The following RBM20 variants were observed in gnomAD, a reference collection of about 807,000 sequenced individuals.
The protein encoded by RBM20 is RNA binding motif protein 20, also known as RNA-binding protein 20.
A neutral mutation model predicts 110.1 loss-of-function variants in RBM20; 51 were observed. That is an observed-to-expected ratio of 0.46 (90% CI 0.37 to 0.59). The LOEUF (loss-of-function observed/expected upper bound fraction) is 0.59, where lower values mean the gene tolerates loss of function less well. Ranked by LOEUF, RBM20 falls within the 20% of genes least tolerant of loss-of-function variation. The probability of loss-of-function intolerance (pLI) is 0.00; values close to 1 mark genes in which losing one functional copy is unlikely to be tolerated. For missense variants in RBM20, 1,512 were observed against 1,574.9 expected (o/e 0.96, Z 0.68); for synonymous variants, 589 against 618.2 (o/e 0.95, Z 0.70).
intron 1 of RBM20, among the ~76,000 whole-genome samples, chr10:110,740,037 G>T (rs1843709696): frequency 6.6e-6 from 1 of 152,252 alleles, no homozygotes; most frequent in South Asian, 2.1e-4. Flanking sequence ...CTGGAAACAC[G>T]GACAACAAGG....
At chr10:110,809,305 A>G (rs1160181744) in intron 7 of RBM20, among the ~76,000 whole-genome samples, 2 of 150,960 alleles carry the variant, frequency 1.3e-5, no homozygotes, top group African/African-American at 4.9e-5. Flanking sequence ...AAAACTCATT[A>G]TCAAAAGTTT....
Position 110,812,756 on chromosome 10 carries a change from G to C in RBM20, c.2359G>C (p.Glu787Gln). ...DAPGRSRRKD[E>Q]ARLRESRHPH... ...CCCCGGGAGGTCCAGGAGGAAAGACGAGGCCAGGCTGCGGGAAAGCAGACA... is the reference window on the plus strand; with the variant it reads ...CCCCGGGAGGTCCAGGAGGAAAGACCAGGCCAGGCTGCGGGAAAGCAGACA... The change falls in exon 9 of 14, where the codon GAG becomes CAG. Residue 787 changes from glutamate to glutamine, a missense_variant. Glu to Gln is a conservative substitution (Grantham distance 29). This residue lies in a region of RBM20 where 1,149 missense variants were observed against 1,169.4 expected (regional missense o/e 0.98). Transcript: ENST00000369519. 3 of 1,551,736 alleles carry C rather than the reference G, an allele frequency of 1.9e-6. No homozygotes were observed. The highest frequency in any genetic ancestry group is 2.6e-6 in the Non-Finnish European group (3 of 1,147,012).
intron 1 of RBM20, among the ~76,000 whole-genome samples, chr10:110,777,456 G>T (rs747599761): frequency 1.3e-5 from 2 of 152,204 alleles, no homozygotes; most frequent in Non-Finnish European, 2.9e-5. Flanking sequence ...TGTCTAGGGT[G>T]TTTGGATGAA....
At chr10:110,726,637 A>G (rs1285995059) in intron 1 of RBM20, among the ~76,000 whole-genome samples, 1 of 152,186 alleles carries the variant, frequency 6.6e-6, no homozygotes, top group East Asian at 1.9e-4. Context: ...TAGAAAAACT[A>G]CAAAGTTTGG....
chr10:110,734,618 CT>C (rs1554894037), intron 1 of RBM20, among the ~76,000 whole-genome samples: 20,883 of 136,480 alleles, frequency 0.15, 1,850 homozygotes, highest in African/African-American at 0.27. Context: ...AAAATTCCCT[CT>C]TTTTTTTTTT....
chr10:110,790,176 C>T (rs1421013525), intron 5 of RBM20, among the ~76,000 whole-genome samples: 1 of 152,254 alleles, frequency 6.6e-6, no homozygotes, highest in Non-Finnish European at 1.5e-5. Flanking sequence ...GGCTGCAACT[C>T]TGATTACTGG....
intron 1 of RBM20, among the ~76,000 whole-genome samples, chr10:110,683,062 G>A (rs892991104): frequency 6.7e-6 from 1 of 148,622 alleles, no homozygotes; most frequent in African/African-American, 2.6e-5. Context: ...TTGTGTCATT[G>A]ATCACAATTT....
chr10:110,832,067 G>A (rs1381091316), intron 13 of RBM20, among the ~76,000 whole-genome samples: 2 of 152,148 alleles, frequency 1.3e-5, no homozygotes, highest in African/African-American at 4.8e-5. Flanking sequence ...GTGAAAAAAT[G>A]TGTCTTGAGA....
chr10:110,772,078 C>G (rs1381037432), intron 1 of RBM20, among the ~76,000 whole-genome samples: 8 of 152,060 alleles, frequency 5.3e-5, no homozygotes, highest in Admixed American at 5.2e-4. Flanking sequence ...CCAGCTTCCT[C>G]AATTTGAGAC....
chr10:110,652,884 TTG>T (rs1861971750), intron 1 of RBM20, among the ~76,000 whole-genome samples: 1 of 152,174 alleles, frequency 6.6e-6, no homozygotes, highest in Admixed American at 6.5e-5. Context: ...GCATCCTTGG[TTG>T]TGTTATCTCC....
chr10:110,795,981 T>C (rs1211855278), intron 5 of RBM20, among the ~76,000 whole-genome samples: 1 of 152,236 alleles, frequency 6.6e-6, no homozygotes, highest in East Asian at 1.9e-4. Flanking sequence ...GTTGAATACA[T>C]TGGGATAAAC....
At chr10:110,816,303 A>ACCCCCCCCCCCCCCCCCCCCC (rs1564662636) in intron 9 of RBM20, among the ~76,000 whole-genome samples, 1 of 105,726 alleles carries the variant, frequency 9.5e-6, no homozygotes, top group Non-Finnish European at 2.0e-5. Flanking sequence ...ACCCCACCCA[A>ACCCCCCCCCCCCCCCCCCCCC]CCCCCTCACC....
At chr10:110,672,622 C>T (rs1046449514) in intron 1 of RBM20, among the ~76,000 whole-genome samples, 1 of 152,238 alleles carries the variant, frequency 6.6e-6, no homozygotes, top group African/African-American at 2.4e-5. Flanking sequence ...TGCTTCCGTC[C>T]GCGGATAGGG....
chr10:110,703,008 T>TG (rs1211196906), intron 1 of RBM20, among the ~76,000 whole-genome samples: 7 of 151,502 alleles, frequency 4.6e-5, no homozygotes, highest in African/African-American at 1.7e-4. Flanking sequence ...TTTTTGTTTT[T>TG]TTTTTTGGTT....
intron 5 of RBM20, among the ~76,000 whole-genome samples, chr10:110,795,624 C>G (rs1411691757): frequency 6.6e-6 from 1 of 152,150 alleles, no homozygotes; most frequent in Admixed American, 6.5e-5. Context: ...AGAGTCGGCC[C>G]CACATCAAAT....
intron 9 of RBM20, among the ~76,000 whole-genome samples, chr10:110,815,758 A>G (rs1398242255): frequency 6.6e-6 from 1 of 152,190 alleles, no homozygotes; most frequent in Non-Finnish European, 1.5e-5. Context: ...AGGTGACACT[A>G]TGTGTCAGCC....
At chr10:110,806,491 G>A (rs7070035) in intron 7 of RBM20, among the ~76,000 whole-genome samples, 39,687 of 151,920 alleles carry the variant, frequency 0.26, 5,346 homozygotes, top group Non-Finnish European at 0.31. Flanking sequence ...GCCAGATCTC[G>A]TGAGAACTCT....
intron 13 of RBM20, among the ~76,000 whole-genome samples, chr10:110,833,418 T>C (rs1387930247): frequency 5.7e-5 from 4 of 70,218 alleles, no homozygotes; most frequent in Non-Finnish European, 1.2e-4. Flanking sequence ...AAATGCAGCT[T>C]CCTGGCTCTC....
In RBM20 at chr10:110,833,507, G is replaced by A. The variant is rs182875307; in HGVS notation, c.3573+2325G>A. On this transcript the variant is annotated intron_variant, in intron 13 of 13. Coordinates refer to ENST00000369519, the MANE Select transcript of RBM20 (RefSeq NM_001134363.3). ...GTAAACCATCCTTATATCAGGCTCT[G>A]ATAGTCGATGTGAGAACCTTTTCTC... Among the ~76,000 whole-genome samples the A allele has an allele frequency of 4.0e-5, 6 of 151,740 alleles. No homozygotes were observed. In the East Asian group the frequency reaches 1.2e-3, roughly 29 times the overall value.
Sources: allele counts gnomAD v4.1 joint callset (sites outside exome capture counted in the v4.1 genomes callset), GRCh38; gene constraint gnomAD v4.1.1; regional missense constraint gnomAD v4.1.1; transcripts MANE v1.5; gene names NCBI Gene and HGNC (gene_info 2026-07-23, HGNC 2026-07-21).